The following DPYD variants were observed in gnomAD, a reference collection of about 807,000 sequenced individuals.
DPYD encodes the protein dihydropyrimidine dehydrogenase.
A neutral mutation model predicts 116.2 loss-of-function variants in DPYD; 109 were observed. The ratio of observed to expected loss-of-function variants is 0.94; its 90% CI spans 0.80 to 1.10. DPYD has a LOEUF of 1.10. Ranked by LOEUF, DPYD falls within the 50% of genes least tolerant of loss-of-function variation. DPYD has a pLI of 0.00. For synonymous variants in DPYD, 440 were observed against 432.0 expected, an observed-to-expected ratio of 1.02 and a Z score of -0.23; for missense variants, 1,302 against 1,254.5, an observed-to-expected ratio of 1.04 and a Z score of -0.57.
intron 20 of DPYD, among the ~76,000 whole-genome samples, chr1:97,164,261 T>C (rs1220212137): frequency 6.6e-6 from 1 of 152,160 alleles, no homozygotes; most frequent in Non-Finnish European, 1.5e-5. Context: ...AAACTAGGTA[T>C]TGAAGGAACA....
At chr1:97,495,216 T>A (rs1679196418) in intron 13 of DPYD, among the ~76,000 whole-genome samples, 1 of 151,992 alleles carries the variant, frequency 6.6e-6, no homozygotes, top group Non-Finnish European at 1.5e-5. Context: ...ATGCTAAGAT[T>A]TATGGCCTTT....
At chr1:97,776,407 A>AT (rs1666409829) in intron 3 of DPYD, among the ~76,000 whole-genome samples, 1 of 152,120 alleles carries the variant, frequency 6.6e-6, no homozygotes, top group South Asian at 2.1e-4. Context: ...AAAGGTTAAT[A>AT]TTTTTCAGTA....
intron 14 of DPYD, among the ~76,000 whole-genome samples, chr1:97,446,442 A>C (rs1676090525): frequency 1.3e-5 from 2 of 152,214 alleles, no homozygotes; most frequent in South Asian, 4.1e-4. Context: ...ATGTAGATCA[A>C]CTTCTTTGGA....
At chr1:97,811,373 A>G (rs914208775) in intron 3 of DPYD, among the ~76,000 whole-genome samples, 2 of 152,104 alleles carry the variant, frequency 1.3e-5, no homozygotes, top group Admixed American at 1.3e-4. Flanking sequence ...CTCAATAAAT[A>G]TTTGAAAGAC....
At chr1:97,141,516 A>G (rs1489251678) in intron 20 of DPYD, among the ~76,000 whole-genome samples, 1 of 152,080 alleles carries the variant, frequency 6.6e-6, no homozygotes, top group African/African-American at 2.4e-5. Flanking sequence ...GACTTTCTCT[A>G]AAAGGTCCAT....
At chr1:97,597,833 A>C (rs1212919042) in intron 8 of DPYD, among the ~76,000 whole-genome samples, 1 of 152,158 alleles carries the variant, frequency 6.6e-6, no homozygotes, top group Non-Finnish European at 1.5e-5. Flanking sequence ...AGTCATCTCT[A>C]TCTACCCATC....
At chr1:97,889,588 T>C (rs1204948972) in intron 1 of DPYD, among the ~76,000 whole-genome samples, 1 of 151,968 alleles carries the variant, frequency 6.6e-6, no homozygotes, top group Non-Finnish European at 1.5e-5. Flanking sequence ...TATAAACATA[T>C]ATGTGCCTAA....
rs535963182 is a variant in DPYD, at chr1:97,404,006, G to A, written c.1906-21545C>T. ...TAAGTTTTCTTTTAATTTTCATTTAGTTCAAAATATTTTTAATGCTTTTTG... is the reference window on the plus strand; with the variant it reads ...TAAGTTTTCTTTTAATTTTCATTTAATTCAAAATATTTTTAATGCTTTTTG... On this transcript the variant is annotated intron_variant, in intron 14 of 22. Transcript: ENST00000370192. Among the ~76,000 whole-genome samples, 6 of 151,814 alleles carry A rather than the reference G, an allele frequency of 4.0e-5. No individual in the cohort carries two copies. In the South Asian group the frequency reaches 1.2e-3, roughly 31 times the overall value.
At chr1:97,209,089 G>A (rs375313856) in intron 19 of DPYD, among the ~76,000 whole-genome samples, 22 of 152,104 alleles carry the variant, frequency 1.4e-4, no homozygotes, top group South Asian at 1.0e-3. Flanking sequence ...ATATAAGATC[G>A]AATTTTGAGA....
intron 15 of DPYD, among the ~76,000 whole-genome samples, chr1:97,380,484 C>T (rs548444925): frequency 8.5e-5 from 13 of 152,332 alleles, no homozygotes; most frequent in East Asian, 5.8e-4. Flanking sequence ...CATTCTAAGG[C>T]TCTACTGCTC....
intron 13 of DPYD, among the ~76,000 whole-genome samples, chr1:97,469,333 T>A (rs1161828281): frequency 7.2e-6 from 1 of 139,684 alleles, no homozygotes; most frequent in Non-Finnish European, 1.5e-5. Flanking sequence ...GTGATTTATA[T>A]ACACTGCAGC....
chr1:97,479,596 T>C (rs994105995), intron 13 of DPYD, among the ~76,000 whole-genome samples: 2 of 152,170 alleles, frequency 1.3e-5, no homozygotes, highest in African/African-American at 4.8e-5. Context: ...ATTATCAAAA[T>C]GTGGCACAGA....
intron 13 of DPYD, among the ~76,000 whole-genome samples, chr1:97,483,067 C>T (rs547884197): frequency 1.3e-5 from 2 of 152,254 alleles, no homozygotes; most frequent in East Asian, 3.9e-4. Context: ...TTCCCACATA[C>T]CATGGTAACT....
At chr1:97,789,746 AAT>A (rs2101259996) in intron 3 of DPYD, among the ~76,000 whole-genome samples, 1 of 152,320 alleles carries the variant, frequency 6.6e-6, no homozygotes, top group South Asian at 2.1e-4. Context: ...GAATAAAATA[AAT>A]ATGTCTTCTT....
chr1:97,882,159 G>A (rs1042973344), intron 2 of DPYD, among the ~76,000 whole-genome samples: 2 of 151,868 alleles, frequency 1.3e-5, no homozygotes, highest in South Asian at 4.2e-4. Context: ...TCCTTTTAGA[G>A]ACCTCTACTA....
chr1:97,902,416 T>A (rs1673414173), intron 1 of DPYD, among the ~76,000 whole-genome samples: 1 of 151,802 alleles, frequency 6.6e-6, no homozygotes, highest in Admixed American at 6.6e-5. Context: ...GATGCATAAA[T>A]AATATAGACC....
intron 14 of DPYD, among the ~76,000 whole-genome samples, chr1:97,426,524 G>A (rs1017146125): frequency 6.6e-6 from 1 of 151,986 alleles, no homozygotes; most frequent in East Asian, 1.9e-4. Context: ...ATGGTTTGGT[G>A]ACATAGAATG....
At chr1:97,277,369 A>T (rs1570408657) in intron 18 of DPYD, among the ~76,000 whole-genome samples, 1 of 150,734 alleles carries the variant, frequency 6.6e-6, no homozygotes, top group East Asian at 2.0e-4. Context: ...ATGAGAGTTG[A>T]AATTAAAAAA....
intron 16 of DPYD, among the ~76,000 whole-genome samples, chr1:97,314,538 T>C (rs1313533954): frequency 6.5e-5 from 9 of 139,138 alleles, no homozygotes; most frequent in Non-Finnish European, 1.4e-4. Flanking sequence ...TGCCATACAC[T>C]ACTCACTGTT....
Sources: gnomAD v4.1 joint callset for allele counts (sites outside exome capture counted in the v4.1 genomes callset) on GRCh38, gnomAD v4.1.1 for gene constraint, MANE v1.5 for transcripts, NCBI Gene and HGNC (gene_info 2026-07-23, HGNC 2026-07-21) for gene names.